The following LRRC8D variants were observed in gnomAD, a reference collection of about 807,000 sequenced individuals.
LRRC8D encodes leucine rich repeat containing 8 VRAC subunit D, also known as volume-regulated anion channel subunit LRRC8D.
In LRRC8D, 20 loss-of-function variants were observed where a neutral mutation model predicts 55.8. The observed-to-expected ratio is 0.36, with a 90% CI of 0.25 to 0.52. The LOEUF (loss-of-function observed/expected upper bound fraction) is 0.52, where lower values mean the gene tolerates loss of function less well. LRRC8D is among the 20% of genes least tolerant of loss of function. The probability of loss-of-function intolerance (pLI) is 0.93; values close to 1 mark genes in which losing one functional copy is unlikely to be tolerated. For missense variants in LRRC8D, 651 were observed against 1,030.8 expected (o/e 0.63, Z 5.05); for synonymous variants, 352 against 377.0 (o/e 0.93, Z 0.77).
intron 2 of LRRC8D, among the ~76,000 whole-genome samples, chr1:89,858,251 A>C (rs960500715): frequency 6.6e-6 from 1 of 152,188 alleles, no homozygotes; most frequent in Non-Finnish European, 1.5e-5. Context: ...ATAGCTTTTC[A>C]TGACAACTTT....
At chr1:89,841,407 T>C (rs895533243) in intron 1 of LRRC8D, among the ~76,000 whole-genome samples, 1 of 119,732 alleles carries the variant, frequency 8.4e-6, no homozygotes, top group Non-Finnish European at 1.8e-5. Context: ...CCCCCCCCCT[T>C]TTTTTTGTGA....
intron 2 of LRRC8D, among the ~76,000 whole-genome samples, chr1:89,932,185 G>A (rs1178699174): frequency 6.6e-6 from 1 of 152,166 alleles, no homozygotes; most frequent in Non-Finnish European, 1.5e-5. Flanking sequence ...TGGCACCGGG[G>A]CTTCATTCAT....
At chr1:89,850,686 G>A (rs1661390098) in intron 2 of LRRC8D, among the ~76,000 whole-genome samples, 1 of 152,094 alleles carries the variant, frequency 6.6e-6, no homozygotes, top group Admixed American at 6.5e-5. Context: ...CCTTTATCCA[G>A]CCTGTCATTG....
chr1:89,889,544 CTCTAAA>C (rs1454633829), intron 2 of LRRC8D, among the ~76,000 whole-genome samples: 1 of 151,244 alleles, frequency 6.6e-6, no homozygotes, highest in East Asian at 1.9e-4. Context: ...CTTAAATTTC[CTCTAAA>C]TCTAAAACTA....
At chr1:89,849,952 T>C (rs1486125472) in intron 2 of LRRC8D, among the ~76,000 whole-genome samples, 1 of 152,182 alleles carries the variant, frequency 6.6e-6, no homozygotes, top group Non-Finnish European at 1.5e-5. Flanking sequence ...ATTTAAGAAA[T>C]CCTCCCCTAT....
intron 2 of LRRC8D, among the ~76,000 whole-genome samples, chr1:89,858,038 G>A (rs1465184660): frequency 1.3e-5 from 2 of 152,264 alleles, no homozygotes; most frequent in Non-Finnish European, 1.5e-5. Flanking sequence ...AGACCAGCCT[G>A]GCCAACATGG....
intron 2 of LRRC8D, among the ~76,000 whole-genome samples, chr1:89,875,614 A>G (rs1234458500): frequency 6.6e-6 from 1 of 152,208 alleles, no homozygotes; most frequent in Non-Finnish European, 1.5e-5. Context: ...ACAACAGTGT[A>G]ACTTCCACCT....
Position 89,933,510 on chromosome 1 carries a change from T to C in LRRC8D, c.442T>C (p.Phe148Leu). ...KTNLDFQQYV[F>L]INQMCYHLAL... ...AAACTTGGATTTTCAGCAATATGTATTTATTAATCAAATGTGTTACCATCT... is the reference window on the plus strand; with the variant it reads ...AAACTTGGATTTTCAGCAATATGTACTTATTAATCAAATGTGTTACCATCT... The change falls in exon 3 of 3, where the codon TTT (phenylalanine) becomes CTT (leucine). Residue 148 changes from phenylalanine to leucine, a missense_variant. By Grantham distance (22) the Phe-to-Leu change is conservative (BLOSUM62 0). Transcript: ENST00000337338. This position sits in a 1 kb window ranked among gnomAD's most constrained non-coding sequence, Gnocchi z 7.0. The C allele has an allele frequency of 8.7e-6, 14 of 1,614,178 alleles. No homozygotes were observed. The highest frequency in any genetic ancestry group is 1.2e-5 in the Non-Finnish European group (14 of 1,180,016).
At chr1:89,851,858 G>C (rs1661426984) in intron 2 of LRRC8D, among the ~76,000 whole-genome samples, 1 of 152,024 alleles carries the variant, frequency 6.6e-6, no homozygotes, top group African/African-American at 2.4e-5. Context: ...TACATAGCAT[G>C]GCTTATTATT....
intron 2 of LRRC8D, among the ~76,000 whole-genome samples, chr1:89,875,648 A>G (rs1173053842): frequency 1.3e-5 from 2 of 152,178 alleles, no homozygotes; most frequent in Admixed American, 6.5e-5. Context: ...CTTTATTTCT[A>G]TATGTTGTCA....
intron 1 of LRRC8D, among the ~76,000 whole-genome samples, chr1:89,822,593 A>AAC (rs1421148939): frequency 3.3e-5 from 5 of 152,136 alleles, no homozygotes; most frequent in Non-Finnish European, 7.3e-5. Flanking sequence ...CGGACTTTGG[A>AAC]AGAGTCTGGA....
At chr1:89,894,456 T>G (rs1490081019) in intron 2 of LRRC8D, among the ~76,000 whole-genome samples, 23 of 152,234 alleles carry the variant, frequency 1.5e-4, no homozygotes. Context: ...CCTGTTTATC[T>G]CTGAGTGTTA....
chr1:89,825,698 A>C (rs1158745292), intron 1 of LRRC8D, among the ~76,000 whole-genome samples: 1 of 152,194 alleles, frequency 6.6e-6, no homozygotes, highest in African/African-American at 2.4e-5. Context: ...GTAAGTTCAT[A>C]CTTAACTTGA....
intron 2 of LRRC8D, among the ~76,000 whole-genome samples, chr1:89,929,062 A>G (rs1439517386): frequency 1.3e-5 from 2 of 152,236 alleles, no homozygotes; most frequent in Non-Finnish European, 2.9e-5. Context: ...AGTACCTACT[A>G]TGTGTCAGGC....
In LRRC8D at chr1:89,933,458, G is replaced by A; in HGVS notation, c.390G>A (p.Glu130=). Residue 130 remains glutamate (E), a synonymous_variant, in exon 3 of 3, where the codon GAG becomes GAA. Coordinates refer to ENST00000337338, the MANE Select transcript of LRRC8D (RefSeq NM_001134479.2). This position sits in a 1 kb window ranked among gnomAD's most constrained non-coding sequence, Gnocchi z 7.0. ...TTCCAAATCAGGAGGCAAAGAAAGAGAAGAAAGATCCAACAGGTCGAAAAA... is the reference window on the plus strand; with the variant it reads ...TTCCAAATCAGGAGGCAAAGAAAGAAAAGAAAGATCCAACAGGTCGAAAAA... The part of the protein sequence containing the change: ...FALPNQEAKK[E]KKDPTGRKTN... The A allele has an allele frequency of 6.2e-7, 1 of 1,614,130 alleles. No homozygotes were observed.
At chr1:89,826,328 G>A (rs529975033) in intron 1 of LRRC8D, among the ~76,000 whole-genome samples, 1 of 152,074 alleles carries the variant, frequency 6.6e-6, no homozygotes, top group Admixed American at 6.5e-5. Context: ...GCAGTGGCGC[G>A]ATCTCAGCTC....
chr1:89,905,054 T>A (rs560569726), intron 2 of LRRC8D, among the ~76,000 whole-genome samples: 1 of 151,446 alleles, frequency 6.6e-6, no homozygotes, highest in Admixed American at 6.6e-5. Flanking sequence ...AATAGTTGGT[T>A]GTAAAAATGA....
At chr1:89,832,209 T>A (rs1258501573) in intron 1 of LRRC8D, among the ~76,000 whole-genome samples, 1 of 152,236 alleles carries the variant, frequency 6.6e-6, no homozygotes, top group Non-Finnish European at 1.5e-5. Context: ...TGTAATTTGT[T>A]GTACATACAC....
chr1:89,892,156 A>C lies in LRRC8D; in HGVS notation c.-2-40911A>C, dbSNP rs533813505. Among the ~76,000 whole-genome samples the C allele has an allele frequency of 3.9e-5, 6 of 152,356 alleles. No individual in the cohort carries two copies. The South Asian group carries it at 1.2e-3, about 32-fold the overall frequency. On this transcript the variant is annotated intron_variant, in intron 2 of 2. Transcript: ENST00000337338. ...TATGTTTGCCCCATATGAAGCTCAC[A>C]ATGATAAAATGCTGGATATTTCACA... is the stretch of plus-strand genomic sequence containing the variant.
Sources: gnomAD v4.1 joint callset for allele counts (sites outside exome capture counted in the v4.1 genomes callset) on GRCh38, gnomAD v4.1.1 for gene constraint, Gnocchi (gnomAD v3.1) non-coding constraint, MANE v1.5 for transcripts, NCBI Gene and HGNC (gene_info 2026-07-23, HGNC 2026-07-21) for gene names.